Variants in AGBL1 observed in about 807,000 individuals in gnomAD.
The protein encoded by AGBL1 is AGBL carboxypeptidase 1, also known as cytosolic carboxypeptidase 4.
AGBL1 carries 130 observed loss-of-function variants against 118.9 expected under a neutral mutation model. The ratio of observed to expected loss-of-function variants is 1.09; its 90% CI spans 0.95 to 1.26. The LOEUF is 1.26. AGBL1 is among the 50% of genes most tolerant of loss of function. The pLI is 0.00. For synonymous variants in AGBL1, 555 were observed against 478.9 expected (o/e 1.16, Z -2.08); for missense variants, 1,584 against 1,298.1 (o/e 1.22, Z -3.38).
chr15:86,318,372 C>T (rs914316260), intron 17 of AGBL1, among the ~76,000 whole-genome samples: 2 of 151,980 alleles, frequency 1.3e-5, no homozygotes, highest in African/African-American at 4.8e-5. Flanking sequence ...TCTTTTCTGT[C>T]TGTTTTTTGA....
intron 22 of AGBL1, among the ~76,000 whole-genome samples, chr15:86,719,005 C>G (rs899688668): frequency 6.6e-6 from 1 of 152,280 alleles, no homozygotes; most frequent in Admixed American, 6.5e-5. Flanking sequence ...ATCTATCCCT[C>G]AACACCCCTT....
chr15:86,916,548 C>G (rs2080426601), downstream of AGBL1, among the ~76,000 whole-genome samples: 2 of 152,104 alleles, frequency 1.3e-5, no homozygotes, highest in South Asian at 4.1e-4. Flanking sequence ...TGGTTTTGTT[C>G]TTTAAGTGAT....
intron 7 of AGBL1, among the ~76,000 whole-genome samples, chr15:86,254,424 G>T (rs1425840597): frequency 1.3e-5 from 2 of 152,216 alleles, no homozygotes; most frequent in African/African-American, 4.8e-5. Flanking sequence ...ATGTAGTCTG[G>T]CTCCAGGACC....
chr15:86,648,043 T>C (rs993350915), intron 21 of AGBL1, among the ~76,000 whole-genome samples: 1 of 152,160 alleles, frequency 6.6e-6, no homozygotes, highest in Non-Finnish European at 1.5e-5. Flanking sequence ...AAATAAATAG[T>C]CAGAGACTTG....
chr15:87,019,654 C>T (rs1466247371), intron 24 of AGBL1, among the ~76,000 whole-genome samples: 3 of 151,980 alleles, frequency 2.0e-5, no homozygotes, highest in East Asian at 3.9e-4. Context: ...GCACTAAATG[C>T]CCACATTAAA....
At chr15:86,594,468 A>G (rs1050600287) in intron 21 of AGBL1, among the ~76,000 whole-genome samples, 2 of 152,196 alleles carry the variant, frequency 1.3e-5, no homozygotes, top group South Asian at 2.1e-4. Context: ...AAACTGAAGA[A>G]TATTGCTATA....
At chr15:86,779,190 A>C (rs2078298310) in intron 22 of AGBL1, among the ~76,000 whole-genome samples, 2 of 152,190 alleles carry the variant, frequency 1.3e-5, no homozygotes, top group South Asian at 2.1e-4. Context: ...AAAATGTGAT[A>C]TGAATGGGAT....
intron 21 of AGBL1, among the ~76,000 whole-genome samples, chr15:86,595,839 G>A (rs577424955): frequency 6.6e-5 from 10 of 152,126 alleles, no homozygotes; most frequent in African/African-American, 2.2e-4. Flanking sequence ...AAGGGAATGG[G>A]CACTGCTGAT....
At chr15:86,444,538 G>A (rs1403610139) in intron 18 of AGBL1, among the ~76,000 whole-genome samples, 1 of 152,200 alleles carries the variant, frequency 6.6e-6, no homozygotes, top group Non-Finnish European at 1.5e-5. Context: ...CTATCTGGGG[G>A]CAGGCCAACC....
At chr15:86,927,908 G>T (rs563288096) in intron 23 of AGBL1, among the ~76,000 whole-genome samples, 31 of 149,298 alleles carry the variant, frequency 2.1e-4, no homozygotes, top group Admixed American at 2.7e-4. Context: ...CTACTTCAAG[G>T]ACAGCAAATT....
intron 24 of AGBL1, among the ~76,000 whole-genome samples, chr15:86,988,750 G>T (rs1401261540): frequency 1.3e-5 from 2 of 151,956 alleles, no homozygotes; most frequent in African/African-American, 2.4e-5. Flanking sequence ...TCAAATTTTG[G>T]TCTTATGTTT....
At chr15:86,833,973 G>C (rs2079139758) in intron 22 of AGBL1, among the ~76,000 whole-genome samples, 1 of 152,034 alleles carries the variant, frequency 6.6e-6, no homozygotes, top group Admixed American at 6.6e-5. Context: ...GACACATTTA[G>C]TTTCCTGCAG....
At chr15:86,432,008 C>T (rs557377622) in intron 18 of AGBL1, among the ~76,000 whole-genome samples, 3 of 152,266 alleles carry the variant, frequency 2.0e-5, no homozygotes, top group Middle Eastern at 3.4e-3. Context: ...CACCTGTTAT[C>T]CTCCCATCCT....
chr15:86,603,094 G>T (rs568089943), intron 21 of AGBL1, among the ~76,000 whole-genome samples: 1 of 152,310 alleles, frequency 6.6e-6, no homozygotes, highest in South Asian at 2.1e-4. Context: ...CATTCTGAAT[G>T]TGGGCAATTT....
intron 22 of AGBL1, among the ~76,000 whole-genome samples, chr15:86,810,670 A>T (rs1232862374): frequency 6.6e-6 from 1 of 152,158 alleles, no homozygotes; most frequent in African/African-American, 2.4e-5. Flanking sequence ...CTCTGTACTG[A>T]AGCTTGTGTG....
intron 19 of AGBL1, among the ~76,000 whole-genome samples, chr15:86,526,548 A>ATATATG (rs2083265572): frequency 3.2e-5 from 2 of 63,444 alleles, no homozygotes; most frequent in South Asian, 6.0e-4. Flanking sequence ...GTCTGTGTAT[A>ATATATG]TATATATATA....
intron 17 of AGBL1, among the ~76,000 whole-genome samples, chr15:86,346,932 G>A (rs974218893): frequency 6.6e-6 from 1 of 152,230 alleles, no homozygotes; most frequent in African/African-American, 2.4e-5. Context: ...AGGTCAACTT[G>A]GAAGGCTATG....
intron 22 of AGBL1, among the ~76,000 whole-genome samples, chr15:86,830,939 T>C (rs1210683566): frequency 1.3e-5 from 2 of 152,148 alleles, no homozygotes; most frequent in African/African-American, 4.8e-5. Flanking sequence ...GACTGGGTAA[T>C]ATATAAAGGA....
intron 17 of AGBL1, among the ~76,000 whole-genome samples, chr15:86,394,088 A>G (rs1324297325): frequency 1.3e-5 from 2 of 152,158 alleles, no homozygotes; most frequent in Non-Finnish European, 2.9e-5. Context: ...GTATTCTGCT[A>G]TGGAAGCCCA....
Sources: allele counts gnomAD v4.1 joint callset (sites outside exome capture counted in the v4.1 genomes callset), GRCh38; gene constraint gnomAD v4.1.1; transcripts MANE v1.5; gene names NCBI Gene and HGNC (gene_info 2026-07-23, HGNC 2026-07-21).